The following SYT1 variants were observed in gnomAD, a reference collection of about 807,000 sequenced individuals.
SYT1 encodes synaptotagmin-1.
SYT1 carries 8 observed loss-of-function variants against 44.8 expected under a neutral mutation model. The observed-to-expected ratio is 0.18, with a 90% CI of 0.10 to 0.32. SYT1 has a LOEUF of 0.32. Among genes scored for constraint, SYT1 ranks in the 10% least tolerant of loss-of-function variants. The probability of loss-of-function intolerance (pLI) is 1.00; values close to 1 mark genes in which losing one functional copy is unlikely to be tolerated. For missense variants in SYT1, 286 were observed against 509.3 expected, an observed-to-expected ratio of 0.56 and a Z score of 4.22; for synonymous variants, 154 against 188.8, an observed-to-expected ratio of 0.82 and a Z score of 1.51.
chr12:78,937,086 C>G (rs1442434404), intron 1 of SYT1, among the ~76,000 whole-genome samples: 1 of 152,118 alleles, frequency 6.6e-6, no homozygotes, highest in African/African-American at 2.4e-5. Context: ...TTTGCAATTA[C>G]AAGTTTTCTA....
chr12:79,315,851 A>G (rs1253922657), intron 8 of SYT1, among the ~76,000 whole-genome samples: 1 of 152,158 alleles, frequency 6.6e-6, no homozygotes, highest in South Asian at 2.1e-4. Context: ...ATTTTCTAGT[A>G]GTCTACTCTC....
At chr12:79,019,541 A>G (rs868407777) in intron 2 of SYT1, among the ~76,000 whole-genome samples, 3 of 152,004 alleles carry the variant, frequency 2.0e-5, no homozygotes, top group African/African-American at 7.2e-5. Context: ...TGCTATCTGT[A>G]TAGATGTAAT....
At chr12:79,179,539 A>ATATATC (rs1287989588) in intron 3 of SYT1, among the ~76,000 whole-genome samples, 5 of 133,924 alleles carry the variant, frequency 3.7e-5, no homozygotes, top group African/African-American at 8.9e-5. Flanking sequence ...ATAGATATAG[A>ATATATC]TATAGAGATA....
chr12:78,971,373 T>C (rs542785245), intron 1 of SYT1, among the ~76,000 whole-genome samples: 27 of 152,154 alleles, frequency 1.8e-4, no homozygotes, highest in Non-Finnish European at 3.5e-4. Context: ...CTAGAGAAAG[T>C]GAAGGCAATT....
intron 4 of SYT1, among the ~76,000 whole-genome samples, chr12:79,279,756 C>G (rs570967446): frequency 5.3e-5 from 8 of 152,022 alleles, no homozygotes; most frequent in Non-Finnish European, 1.0e-4. Context: ...ATAGAAAACC[C>G]CAAAGACTCC....
chr12:78,917,102 T>A (rs997235950), intron 1 of SYT1, among the ~76,000 whole-genome samples: 2 of 152,036 alleles, frequency 1.3e-5, no homozygotes, highest in African/African-American at 4.8e-5. Context: ...ATTTTTTTTA[T>A]ATTTTGTAGG....
At chr12:79,119,042 G>A (rs1000489172) in intron 3 of SYT1, among the ~76,000 whole-genome samples, 1 of 152,100 alleles carries the variant, frequency 6.6e-6, no homozygotes, top group African/African-American at 2.4e-5. Flanking sequence ...AGCCAAAGTA[G>A]GAAAGGGCTG....
intron 1 of SYT1, among the ~76,000 whole-genome samples, chr12:78,945,525 A>G (rs946784160): frequency 4.6e-5 from 7 of 151,428 alleles, no homozygotes; most frequent in South Asian, 2.1e-4. Context: ...AAATTACACA[A>G]TTTTAGGTTA....
chr12:79,318,945 G>T (rs1316420719), intron 8 of SYT1, among the ~76,000 whole-genome samples: 1 of 152,062 alleles, frequency 6.6e-6, no homozygotes, highest in Non-Finnish European at 1.5e-5. Flanking sequence ...CATAAACAGG[G>T]AATATAGAAA....
chr12:79,426,737 T>TA (rs1362011063), intron 9 of SYT1, among the ~76,000 whole-genome samples: 18 of 152,362 alleles, frequency 1.2e-4, no homozygotes, highest in Middle Eastern at 3.4e-3. Flanking sequence ...TAACATTTTT[T>TA]AAAAGGTTTC....
chr12:79,142,638 A>G (rs1869632906), intron 3 of SYT1, among the ~76,000 whole-genome samples: 1 of 152,230 alleles, frequency 6.6e-6, no homozygotes, highest in Non-Finnish European at 1.5e-5. Flanking sequence ...AATTTAATCA[A>G]TCAAATTCAA....
chr12:79,018,747 G>A (rs946359974), intron 2 of SYT1, among the ~76,000 whole-genome samples: 11 of 152,114 alleles, frequency 7.2e-5, no homozygotes, highest in African/African-American at 2.4e-4. Context: ...CCTTCAGTAA[G>A]CATAAAGACT....
intron 3 of SYT1, among the ~76,000 whole-genome samples, chr12:79,213,754 G>A (rs373874104): frequency 6.6e-6 from 1 of 152,086 alleles, no homozygotes; most frequent in Admixed American, 6.6e-5. Context: ...GTGAAACTCC[G>A]TCTCTACTGA....
At chr12:78,906,084 G>T (rs1273294372) in intron 1 of SYT1, among the ~76,000 whole-genome samples, 2 of 151,568 alleles carry the variant, frequency 1.3e-5, no homozygotes, top group African/African-American at 4.8e-5. Context: ...ATAAAGATAT[G>T]GAATATATAA....
chr12:79,064,663 G>T (rs951393189), intron 3 of SYT1, among the ~76,000 whole-genome samples: 1 of 151,948 alleles, frequency 6.6e-6, no homozygotes, highest in South Asian at 2.1e-4. Flanking sequence ...ACCATATTAA[G>T]ATATTCCTGA....
chr12:79,348,961 A>G (rs1227579507), intron 8 of SYT1, among the ~76,000 whole-genome samples: 3 of 150,272 alleles, frequency 2.0e-5, no homozygotes, highest in Non-Finnish European at 4.4e-5. Flanking sequence ...AAAAAAAGAA[A>G]AGAAAGAAAA....
intron 3 of SYT1, among the ~76,000 whole-genome samples, chr12:79,134,257 T>C (rs1252121860): frequency 6.6e-6 from 1 of 152,200 alleles, no homozygotes; most frequent in East Asian, 1.9e-4. Flanking sequence ...CCTCAATCAA[T>C]GTAAGGAATC....
At chr12:79,241,550 T>C (rs1196516369) in intron 4 of SYT1, among the ~76,000 whole-genome samples, 1 of 152,086 alleles carries the variant, frequency 6.6e-6, no homozygotes, top group Non-Finnish European at 1.5e-5. Flanking sequence ...TGAGCCACCA[T>C]GTCCAGCCTA....
intron 4 of SYT1, among the ~76,000 whole-genome samples, chr12:79,263,111 C>T (rs1363719635): frequency 6.6e-6 from 1 of 152,118 alleles, no homozygotes; most frequent in Admixed American, 6.6e-5. Context: ...CGTGATAGGA[C>T]TTCAAAGAGT....
Sources: gnomAD v4.1 joint callset for allele counts (sites outside exome capture counted in the v4.1 genomes callset) on GRCh38, gnomAD v4.1.1 for gene constraint, MANE v1.5 for transcripts, NCBI Gene and HGNC (gene_info 2026-07-23, HGNC 2026-07-21) for gene names.